Variants in CTNS observed in about 807,000 individuals in gnomAD.
CTNS encodes the protein cystinosin.
Under a neutral mutation model 43.7 loss-of-function variants are expected in CTNS, and 27 were observed. The observed-to-expected ratio is 0.62, with a 90% CI of 0.46 to 0.85. The LOEUF is 0.85. Ranked by LOEUF, CTNS falls within the 40% of genes least tolerant of loss-of-function variation. CTNS has a pLI of 0.00. For synonymous variants in CTNS, 187 were observed against 190.6 expected (o/e 0.98, Z 0.16); for missense variants, 457 against 475.4 (o/e 0.96, Z 0.36).
chr17:3,650,699 T>G (rs577175796), intron 5 of CTNS, among the ~76,000 whole-genome samples: 4 of 152,310 alleles, frequency 2.6e-5, no homozygotes, highest in Non-Finnish European at 5.9e-5. Context: ...GATCCACAGA[T>G]TAAATTCTGA....
At chr17:3,649,599 A>G (rs979819531) in intron 5 of CTNS, among the ~76,000 whole-genome samples, 8 of 152,194 alleles carry the variant, frequency 5.3e-5, no homozygotes, top group Non-Finnish European at 8.8e-5. Context: ...CACTAGCAAG[A>G]TCCCCAAATG....
At chr17:3,658,718 G>A (rs1039598095) in intron 10 of CTNS, among the ~76,000 whole-genome samples, 2 of 152,188 alleles carry the variant, frequency 1.3e-5, no homozygotes, top group Non-Finnish European at 2.9e-5. Flanking sequence ...GAGAAGCCTT[G>A]TTCCAGTGCC....
intron 5 of CTNS, among the ~76,000 whole-genome samples, chr17:3,652,357 C>T (rs1166368459): frequency 2.0e-5 from 3 of 152,090 alleles, no homozygotes; most frequent in Admixed American, 1.3e-4. Context: ...TTCGGGAGGC[C>T]GAGGCAGGCA....
In CTNS at chr17:3,655,292, A is replaced by G. The variant is rs1274351235; in HGVS notation, c.401A>G (p.Tyr134Cys). 11 of 1,614,022 alleles carry G rather than the reference A, an allele frequency of 6.8e-6. No individual in the cohort carries two copies. Among genetic ancestry groups the G allele is most frequent in the Non-Finnish European group, 1.7e-6 (2 of 1,180,040 alleles). The change falls in exon 7 of 12, where the codon TAC becomes TGC. Residue 134 changes from tyrosine to cysteine, a missense_variant. Tyr to Cys is a radical substitution (Grantham distance 194, BLOSUM62 -2). Coordinates refer to ENST00000046640, the MANE Select transcript of CTNS (RefSeq NM_004937.3). Reference protein sequence around the residue: ...SIINQVIGWIYFVAWSISFYP... With the variant: ...SIINQVIGWICFVAWSISFYP... ...ATAAACCAGGTGATTGGCTGGATCT[A>G]CTTTGTGGCCTGGTCCATCTCCTTC...
At chr17:3,638,472 A>G (rs3760481) in intron 2 of CTNS, among the ~76,000 whole-genome samples, 20,574 of 151,872 alleles carry the variant, frequency 0.14, 1,786 homozygotes, top group East Asian at 0.25. Flanking sequence ...TCCTGACTTC[A>G]AGTGATCCAA....
In CTNS at chr17:3,660,304, G is replaced by A. The variant is rs746732388; in HGVS notation, c.1039G>A (p.Val347Ile). 8.1e-6 allele frequency: 13 copies of A among 1,614,240 alleles called. No homozygotes were observed. The highest frequency in any genetic ancestry group is 4.5e-5 in the East Asian group (2 of 44,884). Residue 347 changes from valine to isoleucine, a missense_variant, in exon 12 of 12, where the codon GTC becomes ATC. Transcript: ENST00000046640. ...GLGVFSIVFD[V>I]VFFIQHFCLY... Reference sequence around the variant, plus strand: ...CGGGGTCTTCTCCATCGTCTTCGACGTCGTCTTCTTCATCCAGCACTTCTG... The same window carrying A: ...CGGGGTCTTCTCCATCGTCTTCGACATCGTCTTCTTCATCCAGCACTTCTG...
Position 3,648,894 on chromosome 17 carries a change from G to T in CTNS, c.188G>T (p.Arg63Leu), listed in dbSNP as rs760461979. 92 of 1,613,874 alleles carry T rather than the reference G, an allele frequency of 5.7e-5. No individual in the cohort carries two copies. The highest frequency in any genetic ancestry group is 6.2e-5 in the Non-Finnish European group (73 of 1,179,914). ...TLVITFEITFRSKNITILELP... is the reference protein window; with the variant it reads ...TLVITFEITFLSKNITILELP... ...GTGATCACTTTTGAAATCACATTTCGTTCCAAAAATATTACTATCCTTGAG... is the reference window on the plus strand; with the variant it reads ...GTGATCACTTTTGAAATCACATTTCTTTCCAAAAATATTACTATCCTTGAG... The change falls in exon 5 of 12, where the codon CGT becomes CTT. Residue 63 changes from arginine (R) to leucine (L), a missense_variant. Coordinates refer to ENST00000046640, the MANE Select transcript of CTNS (RefSeq NM_004937.3).
chr17:3,651,623 T>G (rs2075984537), intron 5 of CTNS, among the ~76,000 whole-genome samples: 1 of 152,130 alleles, frequency 6.6e-6, no homozygotes, highest in South Asian at 2.1e-4. Context: ...TTCATCAAGC[T>G]GTGATGTGTG....
intron 2 of CTNS, among the ~76,000 whole-genome samples, chr17:3,639,019 C>A (rs202162188): frequency 6.6e-6 from 1 of 152,118 alleles, no homozygotes; most frequent in South Asian, 2.1e-4. Context: ...ACAGCTGGAG[C>A]AGCCAGGGAG....
intron 2 of CTNS, among the ~76,000 whole-genome samples, chr17:3,639,947 C>T (rs1029030562): frequency 2.0e-5 from 3 of 152,172 alleles, no homozygotes; most frequent in Non-Finnish European, 4.4e-5. Context: ...TTGTTCACTT[C>T]CTCAGGGGGG....
chr17:3,656,097 T>A, intron 7 of CTNS: 1 of 12,648 alleles, frequency 7.9e-5, no homozygotes, highest in South Asian at 1.9e-3. Context: ...CCGCCAGCCC[T>A]CACCCCCTGC....
intron 10 of CTNS, among the ~76,000 whole-genome samples, chr17:3,658,705 A>C (rs942601523): frequency 6.6e-6 from 1 of 152,194 alleles, no homozygotes; most frequent in Non-Finnish European, 1.5e-5. Context: ...CCATTCCCAA[A>C]GGGAGAAGCC....
intron 5 of CTNS, among the ~76,000 whole-genome samples, chr17:3,654,735 C>G (rs536625991): frequency 6.6e-6 from 1 of 151,186 alleles, no homozygotes; most frequent in Non-Finnish European, 1.5e-5. Context: ...TGGCTCACAT[C>G]TATAATCCCA....
intron 7 of CTNS, chr17:3,655,757 G>A: frequency 3.3e-6 from 1 of 298,764 alleles, no homozygotes; most frequent in Non-Finnish European, 6.5e-6. Context: ...AAGCTGTCCT[G>A]CAGTCACCCT....
rs1162123932 is a variant in CTNS, at chr17:3,660,357, C to A, written c.1092C>A (p.Asp364Glu). 6.2e-7 allele frequency: 1 copy of A among 1,614,210 alleles called. No homozygotes were observed. Among genetic ancestry groups the A allele is most frequent in the East Asian group, 2.2e-5 (1 of 44,890 alleles). The change falls in exon 12 of 12, where the codon GAC becomes GAA. Residue 364 changes from aspartate to glutamate, a missense_variant. Coordinates refer to ENST00000046640, the MANE Select transcript of CTNS (RefSeq NM_004937.3). ...TGTACAGAAAGAGACCGGGGTATGA[C>A]CAGCTGAACTAGCACCCAGGGACCC... Reference protein sequence around the residue: ...FCLYRKRPGYDQLN With the variant: ...FCLYRKRPGYEQLN
intron 7 of CTNS, 192 bp downstream of exon 7, chr17:3,655,544 GC>G: frequency 1.5e-6 from 1 of 684,218 alleles, no homozygotes; most frequent in Middle Eastern, 4.3e-4. Context: ...TTCATCCCTT[GC>G]CCAGCTCAGC....
Position 3,649,028 on chromosome 17 carries a change from T to A in CTNS, c.225+97T>A, listed in dbSNP as rs942885963. On this transcript the variant is annotated intron_variant, in intron 5 of 11. Transcript: ENST00000046640. ...GGAAACAGGTCTCCTAGGCGGCCCCTGTTCCATCAACCTAGAAATCTGTGA... is the reference window on the plus strand; with the variant it reads ...GGAAACAGGTCTCCTAGGCGGCCCCAGTTCCATCAACCTAGAAATCTGTGA... The A allele has an allele frequency of 1.1e-5, 11 of 1,010,374 alleles. No individual in the cohort carries two copies. The African/African-American group carries it at 1.4e-4, about 13-fold the overall frequency. The allele number at this position is 1,010,374 out of a possible 1,614,324, so 62.6% of individuals were successfully genotyped here.
At chr17:3,654,595 C>T (rs993297386) in intron 5 of CTNS, among the ~76,000 whole-genome samples, 4 of 151,322 alleles carry the variant, frequency 2.6e-5, no homozygotes, top group Non-Finnish European at 5.9e-5. Context: ...GCAGGAGAAC[C>T]GCTTGAACTC....
At position 3,661,603 on chromosome 17, in the gene CTNS, C is replaced by T. The variant is rs1295107432; in HGVS notation, c.*1234C>T. On this transcript the variant is annotated 3_prime_UTR_variant, in exon 12 of 12. Transcript: ENST00000046640. ...CCTTCAGAGCCAGGTGCCCTGCTCC[C>T]CTCGTGTAAGGAAGCGCATAAGGTT... The T allele has an allele frequency of 6.6e-6, 1 of 152,368 alleles. No individual in the cohort carries two copies. The highest frequency in any genetic ancestry group is 6.5e-5 in the Admixed American group (1 of 15,298). 9.4% of individuals were successfully genotyped at this position (152,368 alleles called of 1,614,324 possible).
Sources: gnomAD v4.1 joint callset for allele counts (sites outside exome capture counted in the v4.1 genomes callset) on GRCh38, gnomAD v4.1.1 for gene constraint, MANE v1.5 for transcripts, NCBI Gene and HGNC (gene_info 2026-07-23, HGNC 2026-07-21) for gene names.